RALA: variants seen among roughly 807,000 people sequenced by gnomAD.
RALA encodes RAS like proto-oncogene A.
Under a neutral mutation model 24.0 loss-of-function variants are expected in RALA, and 5 were observed. The observed-to-expected ratio is 0.21, with a 90% CI of 0.11 to 0.44. RALA has a LOEUF of 0.44. RALA is among the 20% of genes least tolerant of loss of function. RALA has a pLI of 0.99. For synonymous variants in RALA, 77 were observed against 83.8 expected, an observed-to-expected ratio of 0.92 and a Z score of 0.44; for missense variants, 95 against 241.2, an observed-to-expected ratio of 0.39 and a Z score of 4.01.
chr7:39,678,396 G>C (rs1394719615), intron 1 of RALA, among the ~76,000 whole-genome samples: 1 of 152,148 alleles, frequency 6.6e-6, no homozygotes, highest in African/African-American at 2.4e-5. Flanking sequence ...TACGTAGTAA[G>C]GTAGGCCCTT....
intron 1 of RALA, among the ~76,000 whole-genome samples, chr7:39,652,554 G>A (rs1792037070): frequency 6.6e-6 from 1 of 152,144 alleles, no homozygotes; most frequent in African/African-American, 2.4e-5. Context: ...TTCAGTTGCT[G>A]TAATCATAGG....
chr7:39,667,530 C>G (rs1004461923), intron 1 of RALA, among the ~76,000 whole-genome samples: 21 of 152,180 alleles, frequency 1.4e-4, no homozygotes, highest in Admixed American at 4.6e-4. Flanking sequence ...GTGAGGGAGG[C>G]CTGTAGGGGG....
At chr7:39,628,220 TCAAAAAA>T (rs565444391) in intron 1 of RALA, among the ~76,000 whole-genome samples, 103 of 152,164 alleles carry the variant, frequency 6.8e-4, no homozygotes, top group African/African-American at 9.6e-4. Context: ...ATCCCATCCC[TCAAAAAA>T]CAAAAAACAA....
At position 39,668,982 on chromosome 7, in the gene RALA, C is replaced by T. The variant is rs572843572; in HGVS notation, c.-37-17649C>T. On this transcript the variant is annotated intron_variant, in intron 1 of 4. Transcript: ENST00000005257. The stretch of plus-strand genomic sequence containing the variant: ...TACAAAAATTAGCTGGGCATGGTGG[C>T]GGTTGCCTGTAGTCCCAGCTACTCA... 4.0e-5 allele frequency among the ~76,000 whole-genome samples: 6 copies of T among 151,708 alleles called. No homozygotes were observed. In the East Asian group the frequency reaches 9.7e-4, roughly 25 times the overall value.
intron 3 of RALA, among the ~76,000 whole-genome samples, chr7:39,696,382 CAAGG>C (rs892304897): frequency 2.0e-5 from 3 of 152,154 alleles, no homozygotes; most frequent in Non-Finnish European, 2.9e-5. Flanking sequence ...TCATCAAAAA[CAAGG>C]AAAGTCTGAG....
rs553260013 is a variant in RALA, at chr7:39,685,548, T to C, written c.-37-1083T>C. Among the ~76,000 whole-genome samples, 205 of 152,134 alleles carry C rather than the reference T, an allele frequency of 1.3e-3. 1 individual carries two copies. Among genetic ancestry groups the C allele is most frequent in the Non-Finnish European group, 2.6e-3 (180 of 67,982 alleles). ...GAGTGTTTGTTGTGGCCTCACAGGA[T>C]TTTTTCTAAGGCCAAGTCAGCATGG... is the stretch of plus-strand genomic sequence containing the variant. On this transcript the variant is annotated intron_variant, in intron 1 of 4. Coordinates refer to ENST00000005257, the MANE Select transcript of RALA (RefSeq NM_005402.4).
At chr7:39,630,939 G>A (rs1473158443) in intron 1 of RALA, among the ~76,000 whole-genome samples, 1 of 151,558 alleles carries the variant, frequency 6.6e-6, no homozygotes, top group African/African-American at 2.4e-5. Context: ...TGTTTTTCTT[G>A]CCTTCTTGTA....
At chr7:39,636,818 A>G (rs1403965624) in intron 1 of RALA, among the ~76,000 whole-genome samples, 1 of 152,178 alleles carries the variant, frequency 6.6e-6, no homozygotes, top group African/African-American at 2.4e-5. Flanking sequence ...AAGCAAGCAC[A>G]TTCTCATTAT....
At chr7:39,633,258 G>A (rs918912155) in intron 1 of RALA, among the ~76,000 whole-genome samples, 3 of 152,188 alleles carry the variant, frequency 2.0e-5, no homozygotes, top group Non-Finnish European at 2.9e-5. Flanking sequence ...AGACATACCC[G>A]AGAATGGGTA....
intron 1 of RALA, among the ~76,000 whole-genome samples, chr7:39,657,457 A>G (rs73128956): frequency 0.035 from 5,294 of 152,334 alleles, 128 homozygotes; most frequent in Non-Finnish European, 0.051. Context: ...CATAAAAGCA[A>G]CTTGTTAAAA....
chr7:39,643,191 A>G (rs563924117), intron 1 of RALA, among the ~76,000 whole-genome samples: 1 of 152,374 alleles, frequency 6.6e-6, no homozygotes, highest in South Asian at 2.1e-4. Context: ...GTTCAAACAA[A>G]GAACACCTTT....
intron 2 of RALA, among the ~76,000 whole-genome samples, chr7:39,689,799 TATA>T (rs1488157928): frequency 6.6e-6 from 1 of 152,180 alleles, no homozygotes; most frequent in African/African-American, 2.4e-5. Flanking sequence ...TTTATCAAGG[TATA>T]TTAAAGTGAG....
rs1182774647 is a variant in RALA, at chr7:39,707,313, A to G, written c.*1068A>G. 1 of 152,240 alleles carries G rather than the reference A, an allele frequency of 6.6e-6. No individual in the cohort carries two copies. The highest frequency in any genetic ancestry group is 2.4e-5 in the African/African-American group (1 of 41,450). The allele number at this position is 152,240 out of a possible 1,614,324, so 9.4% of individuals were successfully genotyped here. ...ATTTTGCACTAGAACGCTTCGGGAA[A>G]ATATTCATGCTTGCCATCTGTTCAT... On this transcript the variant is annotated 3_prime_UTR_variant, in exon 5 of 5. Transcript: ENST00000005257.
intron 1 of RALA, among the ~76,000 whole-genome samples, chr7:39,647,433 C>T (rs1043244547): frequency 6.6e-6 from 1 of 152,166 alleles, no homozygotes; most frequent in Non-Finnish European, 1.5e-5. Context: ...TGTGTCTATC[C>T]TAGGTGTATT....
chr7:39,690,054 G>T (rs768856567), intron 2 of RALA, among the ~76,000 whole-genome samples: 2 of 152,076 alleles, frequency 1.3e-5, no homozygotes, highest in African/African-American at 2.4e-5. Context: ...TTTATATTCA[G>T]AGTTACATAG....
intron 3 of RALA, among the ~76,000 whole-genome samples, chr7:39,695,868 C>T (rs184887774): frequency 2.6e-5 from 4 of 152,236 alleles, no homozygotes; most frequent in East Asian, 3.9e-4. Flanking sequence ...TACAGATTTC[C>T]TTTTGTTTTT....
In RALA at chr7:39,690,466, T is replaced by C; in HGVS notation, c.199T>C (p.Leu67=). ...TGGGGAGGAAGTCCAGATCGATATCTTAGATACAGCTGGGCAGGAGGACTA... is the reference window on the plus strand; with the variant it reads ...TGGGGAGGAAGTCCAGATCGATATCCTAGATACAGCTGGGCAGGAGGACTA... ...LDGEEVQIDI[L]DTAGQEDYAA... is the part of the protein sequence containing the mutation. Residue 67 remains leucine, a synonymous_variant, in exon 3 of 5, where the codon TTA becomes CTA. Coordinates refer to ENST00000005257, the MANE Select transcript of RALA (RefSeq NM_005402.4). 6.2e-7 allele frequency: 1 copy of C among 1,614,082 alleles called. No homozygotes were observed. The highest frequency in any genetic ancestry group is 8.5e-7 in the Non-Finnish European group (1 of 1,179,940).
At chr7:39,651,440 A>G (rs527920539) in intron 1 of RALA, among the ~76,000 whole-genome samples, 1 of 152,188 alleles carries the variant, frequency 6.6e-6, no homozygotes, top group South Asian at 2.1e-4. Context: ...TCCTCACCAC[A>G]CTGATCCACT....
chr7:39,674,079 A>G (rs539507563), intron 1 of RALA, among the ~76,000 whole-genome samples: 6 of 143,996 alleles, frequency 4.2e-5, no homozygotes, highest in Admixed American at 4.1e-4. Flanking sequence ...ATAAATAAAT[A>G]AATAAATAAA....
Sources: gnomAD v4.1 joint callset for allele counts (sites outside exome capture counted in the v4.1 genomes callset) on GRCh38, gnomAD v4.1.1 for gene constraint, MANE v1.5 for transcripts, NCBI Gene and HGNC (gene_info 2026-07-23, HGNC 2026-07-21) for gene names.